The following SKIL variants were observed in gnomAD, a reference collection of about 807,000 sequenced individuals.
SKIL encodes ski-like protein.
Under a neutral mutation model 69.6 loss-of-function variants are expected in SKIL, and 20 were observed. That is an observed-to-expected ratio of 0.29 (90% CI 0.20 to 0.42). The LOEUF is 0.42. Among genes scored for constraint, SKIL ranks in the 10% least tolerant of loss-of-function variants. The pLI is 1.00. For synonymous variants in SKIL, 310 were observed against 279.9 expected (o/e 1.11, Z -1.08); for missense variants, 745 against 783.1 (o/e 0.95, Z 0.58).
rs1738060379 is a variant in SKIL at position 170,394,039 on chromosome 3, T to C, written c.*1622T>C. The C allele has an allele frequency of 6.6e-6, 1 of 151,980 alleles. No individual in the cohort carries two copies. The highest frequency in any genetic ancestry group is 2.4e-5 in the African/African-American group (1 of 41,362). 9.4% of individuals were successfully genotyped at this position (151,980 alleles called of 1,614,324 possible). A position where few individuals can be genotyped will look rare whatever the true frequency, so the allele number is the denominator to read the frequency against. ...TATTTTCCATTTAAATTTTGCTATA[T>C]TAAGACTAATTTAATTCGTTGAGTC... On this transcript the variant is annotated 3_prime_UTR_variant, in exon 7 of 7. Transcript: ENST00000259119.
At chr3:170,391,854 A>G (rs1229997993) in intron 6 of SKIL, among the ~76,000 whole-genome samples, 1 of 152,224 alleles carries the variant, frequency 6.6e-6, no homozygotes, top group Non-Finnish European at 1.5e-5. Context: ...AATGTAGTAT[A>G]TGAGCTTTCA....
intron 1 of SKIL, among the ~76,000 whole-genome samples, chr3:170,358,079 G>GC (rs982837791): frequency 4.5e-4 from 69 of 152,172 alleles, no homozygotes; most frequent in African/African-American, 1.5e-3. Flanking sequence ...GCCCGTCACC[G>GC]CCCCCCTCCC....
intron 2 of SKIL, among the ~76,000 whole-genome samples, chr3:170,375,251 G>A (rs1736976911): frequency 6.6e-6 from 1 of 152,124 alleles, no homozygotes; most frequent in Non-Finnish European, 1.5e-5. Context: ...TCAAGACTAG[G>A]AAATAAAATA....
rs911291957 is a variant in SKIL, at chr3:170,394,876, C to T, written c.*2459C>T. 1 of 152,050 alleles carries T rather than the reference C, an allele frequency of 6.6e-6. No homozygotes were observed. Among genetic ancestry groups the T allele is most frequent in the Non-Finnish European group, 1.5e-5 (1 of 67,988 alleles). The allele number at this position is 152,050 out of a possible 1,614,324, so 9.4% of individuals were successfully genotyped here. ...AGTGGAGTTGGCTAAAATACCTTAT[C>T]CATATAAAACTTATTCTATTCTTTG... is the stretch of plus-strand genomic sequence containing the variant. On this transcript the variant is annotated 3_prime_UTR_variant, in exon 7 of 7. Coordinates refer to ENST00000259119, the MANE Select transcript of SKIL (RefSeq NM_005414.5).
chr3:170,388,718 C>T (rs1314738457), intron 4 of SKIL, among the ~76,000 whole-genome samples: 1 of 152,064 alleles, frequency 6.6e-6, no homozygotes, highest in South Asian at 2.1e-4. Flanking sequence ...GTGTGAGCCA[C>T]CGCGCTTGGC....
intron 2 of SKIL, among the ~76,000 whole-genome samples, chr3:170,370,471 T>A (rs898161759): frequency 1.6e-4 from 17 of 104,658 alleles, no homozygotes; most frequent in African/African-American, 6.4e-4. Flanking sequence ...GGAGTTCATC[T>A]TATAGTCTTA....
At position 170,392,459 on chromosome 3, in the gene SKIL, T is replaced by C. The variant is rs1403464562; in HGVS notation, c.*42T>C. The C allele has an allele frequency of 1.7e-5, 23 of 1,360,654 alleles. No homozygotes were observed. Among genetic ancestry groups the C allele is most frequent in the Non-Finnish European group, 2.1e-5 (21 of 1,007,804 alleles). 84.3% of individuals were successfully genotyped at this position (1,360,654 alleles called of 1,614,324 possible). ...TCATCTGTGTATTACTGACAAGGTT[T>C]TTTTTGTTTGTTGCTTGCTTTGGTA... On this transcript the variant is annotated 3_prime_UTR_variant, in exon 7 of 7. Transcript: ENST00000259119.
Position 170,395,840 on chromosome 3 carries a change from T to A in SKIL, c.*3423T>A, listed in dbSNP as rs924025307. Reference sequence around the variant, plus strand: ...TTCTGTGCTTGGAACTACTTGTTAATAGTTTTTATCGAAGCTGTCAGCAAT... The same window carrying A: ...TTCTGTGCTTGGAACTACTTGTTAAAAGTTTTTATCGAAGCTGTCAGCAAT... On this transcript the variant is annotated 3_prime_UTR_variant, in exon 7 of 7. Transcript: ENST00000259119. 6 of 152,036 alleles carry A rather than the reference T, an allele frequency of 3.9e-5. No homozygotes were observed. The highest frequency in any genetic ancestry group is 8.8e-5 in the Non-Finnish European group (6 of 67,928). 9.4% of individuals were successfully genotyped at this position (152,036 alleles called of 1,614,324 possible).
Position 170,363,983 on chromosome 3 carries a change from C to G in SKIL, c.1098+2554C>G, listed in dbSNP as rs138492001. On this transcript the variant is annotated intron_variant, in intron 2 of 6. Coordinates refer to ENST00000259119, the MANE Select transcript of SKIL (RefSeq NM_005414.5). ...TTTTTTTTTGTAGAGACAAGTCTTG[C>G]TCTGTCGCCGAGGCTGGAGTGCAGT... Among the ~76,000 whole-genome samples, 24 of 152,036 alleles carry G rather than the reference C, an allele frequency of 1.6e-4. No individual in the cohort carries two copies. The East Asian group carries it at 2.9e-3, about 18-fold the overall frequency.
intron 1 of SKIL, among the ~76,000 whole-genome samples, chr3:170,359,026 G>A (rs1736082214): frequency 1.3e-5 from 2 of 152,126 alleles, no homozygotes; most frequent in Admixed American, 6.6e-5. Flanking sequence ...GGATGAAACT[G>A]TTGTTTTGTT....
intron 2 of SKIL, among the ~76,000 whole-genome samples, chr3:170,367,482 T>C (rs1481307061): frequency 7.3e-6 from 1 of 136,662 alleles, no homozygotes; most frequent in African/African-American, 2.7e-5. Context: ...TTTTTTTAAA[T>C]TGAGATGGAG....
intron 2 of SKIL, among the ~76,000 whole-genome samples, chr3:170,372,893 C>G (rs1156339443): frequency 1.3e-5 from 2 of 152,104 alleles, no homozygotes; most frequent in East Asian, 3.8e-4. Flanking sequence ...ATTTACCAAC[C>G]TACACTACTG....
At position 170,360,529 on chromosome 3, in the gene SKIL, A is replaced by C. The variant is rs1354236032; in HGVS notation, c.198A>C (p.Gly66=). ...DYGEAPVETD[G]EHVKRTCTSV... ...GAGAAGCACCAGTGGAAACTGATGGAGAGCATGTTAAGCGAACCTGTACTT... is the reference window on the plus strand; with the variant it reads ...GAGAAGCACCAGTGGAAACTGATGGCGAGCATGTTAAGCGAACCTGTACTT... The change falls in exon 2 of 7, where the codon GGA becomes GGC. Residue 66 remains glycine (G), a synonymous_variant. Transcript: ENST00000259119. 1 of 1,614,234 alleles carries C rather than the reference A, an allele frequency of 6.2e-7. No individual in the cohort carries two copies. Among genetic ancestry groups the C allele is most frequent in the Non-Finnish European group, 8.5e-7 (1 of 1,180,042 alleles).
chr3:170,361,351 A>G lies in SKIL; in HGVS notation c.1020A>G (p.Glu340=). The G allele has an allele frequency of 1.2e-6, 2 of 1,611,006 alleles. No homozygotes were observed. Among genetic ancestry groups the G allele is most frequent in the Non-Finnish European group, 1.7e-6 (2 of 1,179,162 alleles). ...ACCAAAAATACTTAGGAACACCTGA[A>G]GAAAAGAAACTGAAGATAATTTTAG... ...HVNQKYLGTP[E]EKKLKIILEE... Residue 340 remains glutamate (E), a synonymous_variant, in exon 2 of 7, where the codon GAA becomes GAG. Transcript: ENST00000259119.
At chr3:170,364,102 C>T (rs1736377177) in intron 2 of SKIL, among the ~76,000 whole-genome samples, 3 of 152,138 alleles carry the variant, frequency 2.0e-5, no homozygotes, top group African/African-American at 7.2e-5. Context: ...AGGCGCCCAC[C>T]GCCATGCCCA....
intron 4 of SKIL, 32 bp from the exon 5 acceptor site, chr3:170,390,191 A>C (rs1237978792): frequency 6.6e-7 from 1 of 1,524,958 alleles, no homozygotes; most frequent in African/African-American, 1.4e-5. Context: ...AGTGATATTC[A>C]TACTTTGTTA....
In SKIL at chr3:170,391,322, CTCTT is replaced by C. The variant is rs1263582620; in HGVS notation, c.1896+64_1896+67del. Reference sequence around the variant, plus strand: ...CATGGAAATGGAAACTGTTACTTCTCTCTTTTTTTTTTTTGAGACAGAGACTGCT... The same window carrying C: ...CATGGAAATGGAAACTGTTACTTCTCTTTTTTTTTTGAGACAGAGACTGCT... On this transcript the variant is annotated intron_variant, in intron 6 of 6. Coordinates refer to ENST00000259119, the MANE Select transcript of SKIL (RefSeq NM_005414.5). The C allele has an allele frequency of 7.3e-6, 7 of 961,184 alleles. No individual in the cohort carries two copies. In the Admixed American group the frequency reaches 1.3e-4, roughly 18 times the overall value. 59.5% of individuals were successfully genotyped at this position (961,184 alleles called of 1,614,324 possible).
intron 2 of SKIL, among the ~76,000 whole-genome samples, chr3:170,369,306 T>G (rs1359321985): frequency 1.3e-5 from 2 of 152,060 alleles, no homozygotes; most frequent in Non-Finnish European, 2.9e-5. Context: ...GTTTTCAGAG[T>G]AGGCCTGGAT....
chr3:170,386,598 G>T (rs1393619365), intron 4 of SKIL, among the ~76,000 whole-genome samples: 9 of 152,084 alleles, frequency 5.9e-5, no homozygotes, highest in African/African-American at 2.2e-4. Flanking sequence ...CTCCCTAGTA[G>T]CTAGGACTAC....
Sources: gnomAD v4.1 joint callset for allele counts (sites outside exome capture counted in the v4.1 genomes callset) on GRCh38, gnomAD v4.1.1 for gene constraint, MANE v1.5 for transcripts, NCBI Gene and HGNC (gene_info 2026-07-23, HGNC 2026-07-21) for gene names.